The following KCNT2 variants were observed in gnomAD, a reference collection of about 807,000 sequenced individuals.
The protein encoded by KCNT2 is potassium sodium-activated channel subfamily T member 2.
Under a neutral mutation model 153.8 loss-of-function variants are expected in KCNT2, and 67 were observed. The ratio of observed to expected loss-of-function variants is 0.44; its 90% CI spans 0.36 to 0.53. The LOEUF (loss-of-function observed/expected upper bound fraction) is 0.53. Ranked by LOEUF, KCNT2 falls within the 20% of genes least tolerant of loss-of-function variation. The probability of loss-of-function intolerance (pLI) is 0.00; values close to 1 mark genes in which losing one functional copy is unlikely to be tolerated. For synonymous variants in KCNT2, 500 were observed against 458.8 expected, an observed-to-expected ratio of 1.09 and a Z score of -1.15; for missense variants, 975 against 1,354.8, an observed-to-expected ratio of 0.72 and a Z score of 4.40.
At chr1:196,522,717 A>G (rs1241115754) in intron 1 of KCNT2, among the ~76,000 whole-genome samples, 4 of 152,180 alleles carry the variant, frequency 2.6e-5, no homozygotes, top group Non-Finnish European at 2.9e-5. Flanking sequence ...GCACTCTGTA[A>G]AAACGCAGCA....
At chr1:196,398,706 G>A (rs767307518) in intron 12 of KCNT2, 35 bp from the exon 13 acceptor site, 19 of 1,081,492 alleles carry the variant, frequency 1.8e-5, no homozygotes, top group Admixed American at 1.3e-4. Context: ...CATAGCATAA[G>A]TTACAATGTT....
Position 196,227,139 on chromosome 1 carries a change from G to GTA in KCNT2, c.*1083_*1084dup, listed in dbSNP as rs1653549897. ...TATGCTTTTCTCTCATAATGTTAAA[G>GTA]TATAGCTCATATATACGATTTCAAA... On this transcript the variant is annotated 3_prime_UTR_variant, in exon 28 of 28. Transcript: ENST00000294725. 4 of 152,032 alleles carry GTA rather than the reference G, an allele frequency of 2.6e-5. No homozygotes were observed. In the South Asian group the frequency reaches 8.3e-4, roughly 32 times the overall value. The allele number at this position is 152,032 out of a possible 1,614,324, so 9.4% of individuals were successfully genotyped here.
chr1:196,538,019 G>C (rs999684230), intron 1 of KCNT2, among the ~76,000 whole-genome samples: 4 of 152,130 alleles, frequency 2.6e-5, no homozygotes, highest in Non-Finnish European at 5.9e-5. Flanking sequence ...TTCCTGAGCT[G>C]TGTAGCCAGG....
chr1:196,250,480 C>A (rs544066669), intron 26 of KCNT2, among the ~76,000 whole-genome samples: 2 of 152,172 alleles, frequency 1.3e-5, no homozygotes, highest in East Asian at 3.9e-4. Flanking sequence ...AAAAATAAAT[C>A]AAAATTCAAG....
rs1676215376 is a variant in KCNT2 at position 196,451,635 on chromosome 1, TA to T, written c.638+13657del. Among the ~76,000 whole-genome samples, 8 of 151,714 alleles carry T rather than the reference TA, an allele frequency of 5.3e-5. No homozygotes were observed. In the South Asian group the frequency reaches 1.7e-3, roughly 32 times the overall value. ...CTTAAATATACTAAAATATACTTCT[TA>T]TAAGGAACATTAATATACTTCTTAT... is the stretch of plus-strand genomic sequence containing the variant. On this transcript the variant is annotated intron_variant, in intron 8 of 27. Coordinates refer to ENST00000294725, the MANE Select transcript of KCNT2 (RefSeq NM_198503.5).
intron 1 of KCNT2, among the ~76,000 whole-genome samples, chr1:196,561,610 C>T (rs1236895749): frequency 3.0e-5 from 4 of 134,112 alleles, no homozygotes; most frequent in Non-Finnish European, 3.1e-5. Flanking sequence ...GCTGAGATCA[C>T]ACCACTGCAC....
At chr1:196,436,423 A>G (rs193100265) in intron 8 of KCNT2, among the ~76,000 whole-genome samples, 1 of 151,740 alleles carries the variant, frequency 6.6e-6, no homozygotes, top group East Asian at 1.9e-4. Flanking sequence ...TATATGTTAT[A>G]TAAGAATTAA....
At position 196,390,890 on chromosome 1, in the gene KCNT2, CT is replaced by C. The variant is rs61134739; in HGVS notation, c.1294+7672del. 4.4e-3 allele frequency among the ~76,000 whole-genome samples: 548 copies of C among 124,382 alleles called. 5 individuals carry two copies. The highest frequency in any genetic ancestry group is 0.012 in the African/African-American group (406 of 33,768). The allele number at this position is 124,382 out of a possible 152,430, so 81.6% of individuals were successfully genotyped here. On this transcript the variant is annotated intron_variant, in intron 13 of 27. Coordinates refer to ENST00000294725, the MANE Select transcript of KCNT2 (RefSeq NM_198503.5). ...TCCTACTGTTAAGATCTCATTCATTCTTTTTTTTTTTTTTTTTTAAAAAAAA... is the reference window on the plus strand; with the variant it reads ...TCCTACTGTTAAGATCTCATTCATTCTTTTTTTTTTTTTTTTTAAAAAAAA...
intron 1 of KCNT2, among the ~76,000 whole-genome samples, chr1:196,554,712 G>C (rs895532651): frequency 6.0e-5 from 9 of 151,122 alleles, no homozygotes; most frequent in Non-Finnish European, 1.3e-4. Context: ...CAGTATCTCT[G>C]ATGAATATTG....
chr1:196,431,149 A>C (rs1372568545), intron 8 of KCNT2, among the ~76,000 whole-genome samples: 6 of 152,122 alleles, frequency 3.9e-5, no homozygotes, highest in African/African-American at 7.2e-5. Flanking sequence ...TGAGCCCTTG[A>C]TCATGAACTC....
chr1:196,288,285 T>C (rs140461688), intron 22 of KCNT2, among the ~76,000 whole-genome samples: 1 of 152,192 alleles, frequency 6.6e-6, no homozygotes, highest in East Asian at 1.9e-4. Context: ...AGTACCAAGA[T>C]ATGTTTTAAG....
chr1:196,346,833 A>G (rs1666183427), intron 14 of KCNT2, among the ~76,000 whole-genome samples: 1 of 152,180 alleles, frequency 6.6e-6, no homozygotes, highest in Admixed American at 6.6e-5. Flanking sequence ...AGAATGTAGC[A>G]GTGGAACCAC....
At chr1:196,383,986 A>G (rs993376681) in intron 13 of KCNT2, among the ~76,000 whole-genome samples, 2 of 152,188 alleles carry the variant, frequency 1.3e-5, no homozygotes, top group Non-Finnish European at 2.9e-5. Flanking sequence ...AGTTAACAAT[A>G]CTATATTTTA....
intron 22 of KCNT2, among the ~76,000 whole-genome samples, chr1:196,297,448 T>C (rs1660777421): frequency 6.6e-6 from 1 of 152,172 alleles, no homozygotes; most frequent in South Asian, 2.1e-4. Flanking sequence ...GAAGTGAATG[T>C]ATGCACTGCA....
At chr1:196,323,732 C>T (rs571198193) in intron 19 of KCNT2, among the ~76,000 whole-genome samples, 76 of 151,702 alleles carry the variant, frequency 5.0e-4, no homozygotes, top group African/African-American at 7.3e-5. Flanking sequence ...ATTGCCGTTT[C>T]GACTAATTTT....
At chr1:196,254,522 C>T (rs1656290306) in intron 26 of KCNT2, among the ~76,000 whole-genome samples, 1 of 151,308 alleles carries the variant, frequency 6.6e-6, no homozygotes, top group Admixed American at 6.6e-5. Context: ...GTTCCTTTTC[C>T]CCAGTTGGTA....
intron 8 of KCNT2, among the ~76,000 whole-genome samples, chr1:196,435,644 G>A (rs1402161275): frequency 3.3e-5 from 5 of 151,562 alleles, no homozygotes; most frequent in African/African-American, 1.2e-4. Context: ...TTCATAATCC[G>A]ATTATGTCAC....
chr1:196,384,241 A>G (rs1669754004), intron 13 of KCNT2, among the ~76,000 whole-genome samples: 1 of 152,208 alleles, frequency 6.6e-6, no homozygotes, highest in Admixed American at 6.5e-5. Flanking sequence ...GAAAGCATAC[A>G]GTAAGCTATA....
chr1:196,397,720 T>G (rs1671066316), intron 13 of KCNT2, among the ~76,000 whole-genome samples: 1 of 151,542 alleles, frequency 6.6e-6, no homozygotes, highest in Non-Finnish European at 1.5e-5. Flanking sequence ...ATTTACAATT[T>G]TTCATTTCAA....
Sources: allele counts gnomAD v4.1 joint callset (sites outside exome capture counted in the v4.1 genomes callset), GRCh38; gene constraint gnomAD v4.1.1; transcripts MANE v1.5; gene names NCBI Gene and HGNC (gene_info 2026-07-23, HGNC 2026-07-21).